Variants in PTPRD observed in about 807,000 individuals in gnomAD.
The protein encoded by PTPRD is protein tyrosine phosphatase receptor type D.
In PTPRD, 34 loss-of-function variants were observed where a neutral mutation model predicts 214.5. That is an observed-to-expected ratio of 0.16 (90% CI 0.12 to 0.21). PTPRD has a LOEUF of 0.21. Ranked by LOEUF, PTPRD falls within the 10% of genes least tolerant of loss-of-function variation. PTPRD has a pLI of 1.00. For synonymous variants in PTPRD, 1,128 were observed against 845.7 expected, an observed-to-expected ratio of 1.33 and a Z score of -5.79; for missense variants, 2,545 against 2,398.7, an observed-to-expected ratio of 1.06 and a Z score of -1.27.
chr9:8,318,505 C>G (rs1046786280), intron 45 of PTPRD, among the ~76,000 whole-genome samples: 1 of 152,054 alleles, frequency 6.6e-6, no homozygotes, highest in Non-Finnish European at 1.5e-5. Context: ...TTCAGCTACC[C>G]TTTGGCTGTC....
chr9:9,272,180 C>T (rs1446872949), intron 9 of PTPRD, among the ~76,000 whole-genome samples: 2 of 151,046 alleles, frequency 1.3e-5, no homozygotes, highest in African/African-American at 2.4e-5. Context: ...AAACTGCATA[C>T]CCCAGAGGGT....
intron 5 of PTPRD, among the ~76,000 whole-genome samples, chr9:9,795,631 T>C (rs961440556): frequency 6.6e-6 from 1 of 152,216 alleles, no homozygotes; most frequent in African/African-American, 2.4e-5. Flanking sequence ...TTAACCTTTT[T>C]CTTATTTTTG....
chr9:9,777,350 CA>C lies in PTPRD; in HGVS notation c.-367-10500del, dbSNP rs1342724127. On this transcript the variant is annotated intron_variant, in intron 5 of 45. Transcript: ENST00000381196. ...GCACACACACACACACACACACACA[CA>C]CACCCCTAAATGTTTACGTGTCAAA... Among the ~76,000 whole-genome samples, 296 of 152,014 alleles carry C rather than the reference CA, an allele frequency of 1.9e-3. 2 individuals carry two copies. The highest frequency in any genetic ancestry group is 5.0e-3 in the African/African-American group (207 of 41,444).
chr9:9,653,705 C>G (rs1038284528), intron 7 of PTPRD, among the ~76,000 whole-genome samples: 1 of 152,062 alleles, frequency 6.6e-6, no homozygotes, highest in Admixed American at 6.5e-5. Context: ...AAATCCAGAC[C>G]AATGGTAAAA....
chr9:8,539,446 A>C (rs1016887810), intron 14 of PTPRD, among the ~76,000 whole-genome samples: 1 of 151,944 alleles, frequency 6.6e-6, no homozygotes, highest in Non-Finnish European at 1.5e-5. Context: ...GTAGTCCTAA[A>C]AATACCATTA....
chr9:8,955,467 G>A (rs756406583), intron 11 of PTPRD, among the ~76,000 whole-genome samples: 2 of 151,716 alleles, frequency 1.3e-5, no homozygotes, highest in Non-Finnish European at 2.9e-5. Flanking sequence ...GAGCTCATTT[G>A]GAAGACAATC....
chr9:9,628,595 A>T (rs890410861), intron 7 of PTPRD, among the ~76,000 whole-genome samples: 12 of 152,290 alleles, frequency 7.9e-5, no homozygotes, highest in Middle Eastern at 3.4e-3. Flanking sequence ...ATTTCAGATT[A>T]AAAAACTCTT....
At chr9:8,852,965 C>T (rs1340113362) in intron 11 of PTPRD, among the ~76,000 whole-genome samples, 3 of 151,930 alleles carry the variant, frequency 2.0e-5, no homozygotes, top group African/African-American at 7.3e-5. Flanking sequence ...TGAGTTGCTT[C>T]GAGGAGCGTG....
At chr9:10,472,227 T>C (rs1184907725) in intron 2 of PTPRD, among the ~76,000 whole-genome samples, 1 of 152,152 alleles carries the variant, frequency 6.6e-6, no homozygotes, top group Non-Finnish European at 1.5e-5. Flanking sequence ...TGTTTGACTT[T>C]AGAACTTTAT....
chr9:10,526,606 T>C (rs1272724757), intron 2 of PTPRD, among the ~76,000 whole-genome samples: 1 of 152,126 alleles, frequency 6.6e-6, no homozygotes, highest in African/African-American at 2.4e-5. Context: ...TTCTCTGATA[T>C]TCCTAATAAG....
chr9:8,450,400 C>A (rs929567877), intron 33 of PTPRD, among the ~76,000 whole-genome samples: 1 of 152,054 alleles, frequency 6.6e-6, no homozygotes, highest in Non-Finnish European at 1.5e-5. Flanking sequence ...TAATCGGGAC[C>A]AGGTAAAACA....
At chr9:8,340,082 G>A (rs575212389) in intron 42 of PTPRD, among the ~76,000 whole-genome samples, 11 of 152,096 alleles carry the variant, frequency 7.2e-5, no homozygotes, top group Non-Finnish European at 1.6e-4. Flanking sequence ...AAGTCAAACG[G>A]GGACACCTGC....
intron 11 of PTPRD, among the ~76,000 whole-genome samples, chr9:9,011,322 C>A (rs1259250570): frequency 6.6e-6 from 1 of 152,028 alleles, no homozygotes; most frequent in Non-Finnish European, 1.5e-5. Context: ...AAGCCTGGAG[C>A]TTTTCATTTA....
chr9:8,441,811 A>T (rs190106500), intron 34 of PTPRD, among the ~76,000 whole-genome samples: 2 of 152,300 alleles, frequency 1.3e-5, no homozygotes, highest in Non-Finnish European at 2.9e-5. Context: ...GATCAAAGTC[A>T]TCATTATCAG....
At chr9:8,544,741 G>A (rs924025360) in intron 14 of PTPRD, among the ~76,000 whole-genome samples, 3 of 151,764 alleles carry the variant, frequency 2.0e-5, no homozygotes, top group Admixed American at 6.6e-5. Context: ...AAAGTGCTGG[G>A]ATTACAGGCA....
At chr9:8,434,070 C>T (rs1222874243) in intron 35 of PTPRD, among the ~76,000 whole-genome samples, 1 of 152,166 alleles carries the variant, frequency 6.6e-6, no homozygotes, top group Non-Finnish European at 1.5e-5. Flanking sequence ...GCAACCTCTG[C>T]CTCCCAGGTT....
intron 32 of PTPRD, 23 bp from the exon 33 acceptor site, chr9:8,460,594 T>G (rs1446226843): frequency 6.3e-7 from 1 of 1,599,318 alleles, no homozygotes. Flanking sequence ...AGAGTCTATT[T>G]CAGTTATAAA....
At chr9:8,728,879 C>G (rs950493283) in intron 12 of PTPRD, among the ~76,000 whole-genome samples, 1 of 152,120 alleles carries the variant, frequency 6.6e-6, no homozygotes, top group Non-Finnish European at 1.5e-5. Flanking sequence ...ACTCGGGAGG[C>G]TGAGGCAAGA....
chr9:10,413,338 C>T lies in PTPRD; in HGVS notation c.-599-72321G>A, dbSNP rs936456747. 8.6e-5 allele frequency among the ~76,000 whole-genome samples: 13 copies of T among 151,792 alleles called. 1 individual carries two copies. The highest frequency in any genetic ancestry group is 1.8e-4 in the Non-Finnish European group (12 of 67,864). ...CAACGACCAAGTTGAAAGTCAAATC[C>T]GGAATGCAGTGTCATTCACAATTGC... On this transcript the variant is annotated intron_variant, in intron 2 of 45. Coordinates refer to ENST00000381196, the MANE Select transcript of PTPRD (RefSeq NM_002839.4).
Sources: gnomAD v4.1 joint callset for allele counts (sites outside exome capture counted in the v4.1 genomes callset) on GRCh38, gnomAD v4.1.1 for gene constraint, MANE v1.5 for transcripts, NCBI Gene and HGNC (gene_info 2026-07-23, HGNC 2026-07-21) for gene names.